Variants in KDM5B observed in about 807,000 individuals in gnomAD.
The protein encoded by KDM5B is lysine demethylase 5B.
A neutral mutation model predicts 193.4 loss-of-function variants in KDM5B; 144 were observed. The ratio of observed to expected loss-of-function variants is 0.74; its 90% CI spans 0.65 to 0.86. The LOEUF is 0.86. Ranked by LOEUF, KDM5B falls within the 40% of genes least tolerant of loss-of-function variation. The probability of loss-of-function intolerance (pLI) is 0.00; values close to 1 mark genes in which losing one functional copy is unlikely to be tolerated. For synonymous variants in KDM5B, 668 were observed against 682.6 expected (o/e 0.98, Z 0.33); for missense variants, 1,833 against 1,886.9 (o/e 0.97, Z 0.53).
rs1188496899 is a variant in KDM5B at position 202,735,543 on chromosome 1, C to T, written c.3309G>A (p.Arg1103=). The T allele has an allele frequency of 3.1e-6, 5 of 1,614,040 alleles. No individual in the cohort carries two copies. The South Asian group carries it at 4.4e-5, about 14-fold the overall frequency. Residue 1103 remains arginine, a synonymous_variant, in exon 22 of 27, where the codon AGG becomes AGA. Coordinates refer to ENST00000367265, the MANE Select transcript of KDM5B (RefSeq NM_006618.5). ...RCDIGLLGLK[R]KQRKLKEPLP... ...AGGGCTCCTTTAACTTTCTCTGCTT[C>T]CTTTTCAATCCCAAAAGGCCAATAT...
chr1:202,763,328 A>G (rs1174308828), intron 6 of KDM5B, among the ~76,000 whole-genome samples: 1 of 152,202 alleles, frequency 6.6e-6, no homozygotes, highest in Admixed American at 6.5e-5. Context: ...GCTTTCCATA[A>G]AGTATTTAAT....
chr1:202,765,648 T>TC (rs559905642), intron 5 of KDM5B, among the ~76,000 whole-genome samples: 1 of 152,370 alleles, frequency 6.6e-6, no homozygotes, highest in East Asian at 1.9e-4. Context: ...CTGGGCAGTC[T>TC]CCTTCATTCA....
chr1:202,732,143 A>T, intron 23 of KDM5B: 1 of 520,334 alleles, frequency 1.9e-6, no homozygotes. Flanking sequence ...CCAAGCCTTT[A>T]ATCTTTCCAG....
At chr1:202,764,670 A>G (rs1180705880) in intron 5 of KDM5B, among the ~76,000 whole-genome samples, 1 of 152,002 alleles carries the variant, frequency 6.6e-6, no homozygotes, top group Non-Finnish European at 1.5e-5. Flanking sequence ...CAAATAGGGA[A>G]AAGTCAAAGG....
At chr1:202,755,519 C>T (rs920141488) in intron 10 of KDM5B, 67 bp from the exon 11 acceptor site, 2 of 1,189,788 alleles carry the variant, frequency 1.7e-6, no homozygotes, top group South Asian at 3.0e-5. Flanking sequence ...AGAAGGCCAG[C>T]TAAAAATATT....
chr1:202,789,756 A>G (rs1349479806), intron 1 of KDM5B, among the ~76,000 whole-genome samples: 3 of 151,156 alleles, frequency 2.0e-5, no homozygotes, highest in Non-Finnish European at 4.4e-5. Context: ...TAAGACAGAC[A>G]GAGAGAGAGA....
At chr1:202,740,292 T>C (rs528174991) in intron 20 of KDM5B, among the ~76,000 whole-genome samples, 11,731 of 64,230 alleles carry the variant, frequency 0.18, 696 homozygotes, top group Middle Eastern at 0.34. Flanking sequence ...CTCCTCACTT[T>C]CCAGTAGGGG....
chr1:202,736,531 C>CAGGTTAGTCAGCGTT, intron 20 of KDM5B, 139 bp from the exon 21 acceptor site: 1 of 495,828 alleles, frequency 2.0e-6, no homozygotes, highest in Non-Finnish European at 3.3e-6. Context: ...CAAACGCTGA[C>CAGGTTAGTCAGCGTT]TAACCTGCCA....
Position 202,753,080 on chromosome 1 carries a change from T to C in KDM5B, c.1539-13A>G. On this transcript the variant is annotated splice_polypyrimidine_tract_variant and intron_variant, in intron 11 of 26. Coordinates refer to ENST00000367265, the MANE Select transcript of KDM5B (RefSeq NM_006618.5). ...TTTTGGCTCACCCCTGGAAATAGATTATAAAAATAAATCAATCTGCAACAC... is the reference window on the plus strand; with the variant it reads ...TTTTGGCTCACCCCTGGAAATAGATCATAAAAATAAATCAATCTGCAACAC... The C allele has an allele frequency of 6.2e-7, 1 of 1,602,188 alleles. No individual in the cohort carries two copies. Among genetic ancestry groups the C allele is most frequent in the Non-Finnish European group, 8.5e-7 (1 of 1,175,370 alleles).
chr1:202,755,546 AAAG>A (rs1655975651), intron 10 of KDM5B, 94 bp from the exon 11 acceptor site: 2 of 1,037,548 alleles, frequency 1.9e-6, no homozygotes, highest in South Asian at 3.3e-5. Context: ...CAAAATAAAA[AAAG>A]AAATGTGGAA....
At chr1:202,740,232 C>T (rs1424611734) in intron 20 of KDM5B, among the ~76,000 whole-genome samples, 1 of 145,460 alleles carries the variant, frequency 6.9e-6, no homozygotes, top group Non-Finnish European at 1.5e-5. Flanking sequence ...GGGTTGGGGG[C>T]TGACCCTCCC....
intron 1 of KDM5B, among the ~76,000 whole-genome samples, chr1:202,794,738 C>T (rs759961698): frequency 6.6e-6 from 1 of 152,164 alleles, no homozygotes; most frequent in East Asian, 1.9e-4. Flanking sequence ...GTAGTCCCCA[C>T]CCTTATCTGG....
At chr1:202,807,597 G>A (rs1001506732) in intron 1 of KDM5B, among the ~76,000 whole-genome samples, 4 of 151,974 alleles carry the variant, frequency 2.6e-5, no homozygotes, top group Non-Finnish European at 5.9e-5. Flanking sequence ...AGGGGCTCCC[G>A]CCGCCATATT....
At chr1:202,739,119 T>A (rs759803121) in intron 20 of KDM5B, among the ~76,000 whole-genome samples, 7 of 152,234 alleles carry the variant, frequency 4.6e-5, no homozygotes, top group Non-Finnish European at 7.3e-5. Context: ...TTGTCTGAAC[T>A]TCAAAGTTGT....
intron 1 of KDM5B, among the ~76,000 whole-genome samples, chr1:202,781,154 T>C (rs529683672): frequency 6.6e-6 from 1 of 152,172 alleles, no homozygotes; most frequent in Non-Finnish European, 1.5e-5. Flanking sequence ...AATGTAAAAA[T>C]TAGGCATAGT....
At chr1:202,784,172 C>T (rs566714537) in intron 1 of KDM5B, among the ~76,000 whole-genome samples, 13 of 152,280 alleles carry the variant, frequency 8.5e-5, no homozygotes, top group African/African-American at 3.1e-4. Context: ...TTAACATCCA[C>T]ATATTTAATA....
intron 5 of KDM5B, among the ~76,000 whole-genome samples, chr1:202,764,551 C>T (rs1656371567): frequency 1.3e-5 from 2 of 152,146 alleles, no homozygotes; most frequent in Admixed American, 1.3e-4. Context: ...AGGAGAATCG[C>T]TTGAACCTGG....
intron 1 of KDM5B, among the ~76,000 whole-genome samples, chr1:202,777,559 T>C (rs1444792975): frequency 6.6e-6 from 1 of 152,008 alleles, no homozygotes; most frequent in Non-Finnish European, 1.5e-5. Flanking sequence ...AGTGGTGTGA[T>C]CACAGCTGGT....
intron 11 of KDM5B, among the ~76,000 whole-genome samples, chr1:202,754,222 T>C (rs1055867299): frequency 2.6e-5 from 4 of 152,204 alleles, no homozygotes; most frequent in African/African-American, 4.8e-5. Flanking sequence ...TAATATTCAT[T>C]TTACAGCTGG....
Sources: allele counts gnomAD v4.1 joint callset (sites outside exome capture counted in the v4.1 genomes callset), GRCh38; gene constraint gnomAD v4.1.1; transcripts MANE v1.5; gene names NCBI Gene and HGNC (gene_info 2026-07-23, HGNC 2026-07-21).